MSRB3: variants seen among roughly 807,000 people sequenced by gnomAD.
MSRB3 encodes methionine-R-sulfoxide reductase B3.
In MSRB3, 13 loss-of-function variants were observed where a neutral mutation model predicts 21.0. The observed-to-expected ratio is 0.62, with a 90% CI of 0.40 to 0.98. MSRB3 has a LOEUF of 0.98. Among genes scored for constraint, MSRB3 ranks in the 50% least tolerant of loss-of-function variants. The pLI is 0.00. For synonymous variants in MSRB3, 87 were observed against 88.6 expected (o/e 0.98, Z 0.10); for missense variants, 199 against 230.3 (o/e 0.86, Z 0.88).
chr12:65,324,138 T>C (rs576794898), intron 2 of MSRB3, among the ~76,000 whole-genome samples: 22 of 152,292 alleles, frequency 1.4e-4, no homozygotes, highest in African/African-American at 5.3e-4. Flanking sequence ...TATTTATACT[T>C]AAGGTTGAAA....
At chr12:65,287,113 G>A (rs952032237) in intron 1 of MSRB3, among the ~76,000 whole-genome samples, 1 of 143,484 alleles carries the variant, frequency 7.0e-6, no homozygotes, top group Non-Finnish European at 1.5e-5. Context: ...TAAATTTTAT[G>A]TTTGTTCTTT....
intron 2 of MSRB3, among the ~76,000 whole-genome samples, chr12:65,321,459 A>G (rs979801839): frequency 5.9e-5 from 9 of 152,280 alleles, no homozygotes; most frequent in Admixed American, 2.0e-4. Context: ...TTTTGTGGAA[A>G]CCAGAGGACT....
intron 6 of MSRB3, among the ~76,000 whole-genome samples, chr12:65,462,419 C>G (rs1883370919): frequency 6.6e-6 from 1 of 152,292 alleles, no homozygotes; most frequent in South Asian, 2.1e-4. Flanking sequence ...TCTGTCTAGA[C>G]CTTAGGTCTC....
chr12:65,322,161 A>G (rs574057035), intron 2 of MSRB3, among the ~76,000 whole-genome samples: 7 of 152,310 alleles, frequency 4.6e-5, no homozygotes, highest in Admixed American at 1.3e-4. Context: ...AGAATCCTGT[A>G]TGAAACTTGT....
chr12:65,339,220 C>T (rs1875980790), intron 4 of MSRB3, among the ~76,000 whole-genome samples: 1 of 152,220 alleles, frequency 6.6e-6, no homozygotes, highest in Non-Finnish European at 1.5e-5. Flanking sequence ...TTGCGGGGAG[C>T]TGCCCTATAC....
At chr12:65,380,690 T>A (rs927535110) in intron 5 of MSRB3, among the ~76,000 whole-genome samples, 17 of 152,316 alleles carry the variant, frequency 1.1e-4, no homozygotes, top group Admixed American at 8.5e-4. Context: ...GTACTAAGTG[T>A]TTAATATTTA....
At chr12:65,317,475 A>G (rs1484027625) in intron 2 of MSRB3, among the ~76,000 whole-genome samples, 1 of 152,184 alleles carries the variant, frequency 6.6e-6, no homozygotes, top group African/African-American at 2.4e-5. Flanking sequence ...GGTCTTCAAG[A>G]AACCCATGTC....
chr12:65,398,338 A>T (rs1879928529), intron 5 of MSRB3, among the ~76,000 whole-genome samples: 1 of 151,980 alleles, frequency 6.6e-6, no homozygotes, highest in Non-Finnish European at 1.5e-5. Context: ...TGTGGTTTTG[A>T]TTTGCATTTC....
At chr12:65,325,847 C>T (rs114315921) in intron 2 of MSRB3, among the ~76,000 whole-genome samples, 178 of 152,228 alleles carry the variant, frequency 1.2e-3, no homozygotes, top group African/African-American at 4.2e-3. Flanking sequence ...CTACCCTGTC[C>T]TGGAGTTATA....
chr12:65,460,660 AC>A (rs1455181258), intron 6 of MSRB3, among the ~76,000 whole-genome samples: 3 of 149,956 alleles, frequency 2.0e-5, no homozygotes, highest in Non-Finnish European at 3.0e-5. Flanking sequence ...GGATTTTTCT[AC>A]CCCCATCCTC....
At chr12:65,315,954 A>T (rs1361173350) in intron 2 of MSRB3, 7 of 152,194 alleles carry the variant, frequency 4.6e-5, no homozygotes, top group African/African-American at 1.4e-4. Context: ...GCAGAAATAC[A>T]TGTTAGCGCA....
intron 5 of MSRB3, among the ~76,000 whole-genome samples, chr12:65,421,107 T>A (rs1401636397): frequency 6.6e-6 from 1 of 152,242 alleles, no homozygotes; most frequent in East Asian, 1.9e-4. Context: ...TTCCTTTTTT[T>A]CTGCAACCTT....
intron 5 of MSRB3, among the ~76,000 whole-genome samples, chr12:65,391,656 A>G (rs1191301101): frequency 6.6e-6 from 1 of 152,230 alleles, no homozygotes; most frequent in African/African-American, 2.4e-5. Context: ...GTTCATTTGT[A>G]AGTTGGTTGT....
intron 4 of MSRB3, among the ~76,000 whole-genome samples, chr12:65,341,278 T>C (rs1481717175): frequency 6.6e-6 from 1 of 152,032 alleles, no homozygotes; most frequent in Non-Finnish European, 1.5e-5. Flanking sequence ...TGGAGTTCAT[T>C]ATGTGAAGTA....
chr12:65,320,357 A>C (rs1874584084), intron 2 of MSRB3, among the ~76,000 whole-genome samples: 1 of 152,198 alleles, frequency 6.6e-6, no homozygotes, highest in African/African-American at 2.4e-5. Context: ...TGTAAAAATT[A>C]AGAATGTTTT....
chr12:65,317,083 T>C (rs774006565), intron 2 of MSRB3, among the ~76,000 whole-genome samples: 29 of 152,132 alleles, frequency 1.9e-4, no homozygotes, highest in Non-Finnish European at 3.2e-4. Flanking sequence ...CAAGAGAACC[T>C]GGCTGTCATT....
At chr12:65,287,131 CTTTTTTTTT>C (rs368441408) in intron 1 of MSRB3, among the ~76,000 whole-genome samples, 1 of 124,766 alleles carries the variant, frequency 8.0e-6, no homozygotes, top group Non-Finnish European at 1.7e-5. Context: ...TTTCATTTCT[CTTTTTTTTT>C]TTTTTTTGGC....
At chr12:65,362,337 T>C (rs1877758156) in intron 4 of MSRB3, among the ~76,000 whole-genome samples, 1 of 152,174 alleles carries the variant, frequency 6.6e-6, no homozygotes, top group Admixed American at 6.6e-5. Flanking sequence ...AGAAAAATCC[T>C]TTCTGAGAAG....
chr12:65,343,753 C>T lies in MSRB3; in HGVS notation c.263+15150C>T, dbSNP rs141623589. On this transcript the variant is annotated intron_variant, in intron 4 of 6. Transcript: ENST00000308259. ...TCTGTCTGGCCCCTAAGGCACCCTT[C>T]CCTAGCTCAATATTATGTTATAATG... Among the ~76,000 whole-genome samples the T allele has an allele frequency of 8.4e-3, 1,283 of 152,150 alleles. 10 individuals are homozygous for T. The highest frequency in any genetic ancestry group is 0.054 in the Middle Eastern group (16 of 294).
Sources: allele counts gnomAD v4.1 joint callset (sites outside exome capture counted in the v4.1 genomes callset), GRCh38; gene constraint gnomAD v4.1.1; transcripts MANE v1.5; gene names NCBI Gene and HGNC (gene_info 2026-07-23, HGNC 2026-07-21).